Variants in DCC observed in about 807,000 individuals in gnomAD.
DCC encodes netrin receptor DCC.
DCC carries 58 observed loss-of-function variants against 172.5 expected under a neutral mutation model. The ratio of observed to expected loss-of-function variants is 0.34; its 90% CI spans 0.27 to 0.42. The LOEUF is 0.42. Among genes scored for constraint, DCC ranks in the 10% least tolerant of loss-of-function variants. DCC has a pLI of 1.00. For missense variants in DCC, 1,740 were observed against 1,791.0 expected, an observed-to-expected ratio of 0.97 and a Z score of 0.51; for synonymous variants, 709 against 644.5, an observed-to-expected ratio of 1.10 and a Z score of -1.52.
chr18:52,561,701 T>C (rs1463250139), intron 1 of DCC, among the ~76,000 whole-genome samples: 2 of 152,158 alleles, frequency 1.3e-5, no homozygotes, highest in Non-Finnish European at 2.9e-5. Context: ...ACTTCATCCT[T>C]AGAGCTATCA....
intron 12 of DCC, among the ~76,000 whole-genome samples, chr18:53,236,143 T>A (rs2056199778): frequency 1.3e-5 from 2 of 152,148 alleles, no homozygotes; most frequent in Non-Finnish European, 2.9e-5. Context: ...TATGTCTTAC[T>A]TAATTAGAAA....
At chr18:53,447,258 A>C (rs1320706916) in intron 22 of DCC, among the ~76,000 whole-genome samples, 1 of 152,198 alleles carries the variant, frequency 6.6e-6, no homozygotes, top group African/African-American at 2.4e-5. Context: ...ACACCATTGC[A>C]CTTGACTTTT....
At chr18:52,589,552 A>T (rs1406986935) in intron 1 of DCC, among the ~76,000 whole-genome samples, 1 of 152,226 alleles carries the variant, frequency 6.6e-6, no homozygotes, top group Non-Finnish European at 1.5e-5. Flanking sequence ...CAAAGCAGAG[A>T]GGGAAGAGCC....
chr18:52,403,639 A>C (rs1986524169), intron 1 of DCC, among the ~76,000 whole-genome samples: 1 of 152,084 alleles, frequency 6.6e-6, no homozygotes, highest in Non-Finnish European at 1.5e-5. Flanking sequence ...AGAGGAAATG[A>C]AAATGAAAAT....
At chr18:52,650,248 G>A (rs1189518080) in intron 1 of DCC, among the ~76,000 whole-genome samples, 1 of 151,962 alleles carries the variant, frequency 6.6e-6, no homozygotes, top group African/African-American at 2.4e-5. Context: ...TACGGTACTG[G>A]GATTACAGGT....
In DCC at chr18:53,317,613, C is replaced by CT. The variant is rs993973140; in HGVS notation, c.2054-4427dup. 8.5e-5 allele frequency among the ~76,000 whole-genome samples: 13 copies of CT among 152,162 alleles called. 1 individual carries two copies. Among genetic ancestry groups the CT allele is most frequent in the African/African-American group, 2.4e-4 (10 of 41,506 alleles). On this transcript the variant is annotated intron_variant, in intron 13 of 28. Coordinates refer to ENST00000442544, the MANE Select transcript of DCC (RefSeq NM_005215.4). ...GGCTATAAATCCATCTGGTCCCAGG[C>CT]TTTTTTTGGTTGGTAGGCTATTTCT...
intron 5 of DCC, among the ~76,000 whole-genome samples, chr18:52,944,585 G>T (rs535279327): frequency 2.3e-4 from 35 of 152,312 alleles, no homozygotes; most frequent in Middle Eastern, 3.4e-3. Flanking sequence ...AAAAGCAAAA[G>T]AAGTCTATAG....
chr18:52,904,266 T>C (rs1467334280), intron 2 of DCC, among the ~76,000 whole-genome samples: 2 of 152,226 alleles, frequency 1.3e-5, no homozygotes, highest in African/African-American at 4.8e-5. Context: ...TGCAGGTCTA[T>C]TTCTGTGGAT....
rs918437678 is a variant in DCC, at chr18:53,164,856, G to A, written c.1418+7344G>A. On this transcript the variant is annotated intron_variant, in intron 8 of 28. Transcript: ENST00000442544. The stretch of plus-strand genomic sequence containing the variant: ...ATTCACACATTTGATCCTCAGATAA[G>A]GTATTTATGATGATCTCCATTTCAC... Among the ~76,000 whole-genome samples the A allele has an allele frequency of 6.6e-5, 10 of 152,146 alleles. No individual in the cohort carries two copies. In the South Asian group the frequency reaches 1.9e-3, roughly 28 times the overall value.
At chr18:53,347,287 T>G (rs2057737079) in intron 15 of DCC, among the ~76,000 whole-genome samples, 2 of 152,226 alleles carry the variant, frequency 1.3e-5, no homozygotes, top group Admixed American at 6.5e-5. Context: ...AAGATCTTAC[T>G]TAATTCCAAA....
intron 1 of DCC, among the ~76,000 whole-genome samples, chr18:52,547,061 A>C (rs1270309452): frequency 1.3e-5 from 2 of 152,134 alleles, no homozygotes; most frequent in Non-Finnish European, 2.9e-5. Context: ...AGAATCATTT[A>C]ATCTAAAGTT....
chr18:52,713,445 G>A (rs988373619), intron 1 of DCC, among the ~76,000 whole-genome samples: 6 of 152,186 alleles, frequency 3.9e-5, no homozygotes, highest in African/African-American at 7.2e-5. Context: ...AAAGGACAAA[G>A]CTTCAAGAGA....
chr18:52,680,593 C>T (rs2035731391), intron 1 of DCC, among the ~76,000 whole-genome samples: 1 of 152,130 alleles, frequency 6.6e-6, no homozygotes, highest in Non-Finnish European at 1.5e-5. Flanking sequence ...TACCCAGCTC[C>T]ATCAAGGAAG....
chr18:53,485,607 T>A (rs185224415), intron 25 of DCC, among the ~76,000 whole-genome samples: 19 of 152,144 alleles, frequency 1.2e-4, no homozygotes, highest in Admixed American at 1.2e-3. Flanking sequence ...TAAGTAAACA[T>A]GTTCAAATGC....
At chr18:52,979,023 T>C (rs1200054015) in intron 5 of DCC, among the ~76,000 whole-genome samples, 2 of 148,072 alleles carry the variant, frequency 1.4e-5, no homozygotes, top group Non-Finnish European at 2.9e-5. Flanking sequence ...TGTAATAACA[T>C]GCAGGTACCT....
chr18:52,613,502 G>A (rs573162039), intron 1 of DCC, among the ~76,000 whole-genome samples: 9 of 152,198 alleles, frequency 5.9e-5, no homozygotes, highest in Admixed American at 3.3e-4. Context: ...TGATCCGCCC[G>A]CCTCTGCCTC....
chr18:52,598,594 C>G (rs1302011031), intron 1 of DCC, among the ~76,000 whole-genome samples: 5 of 152,120 alleles, frequency 3.3e-5, no homozygotes, highest in African/African-American at 1.2e-4. Flanking sequence ...CAGCTGCAGG[C>G]CTCTTGTGCA....
chr18:53,403,402 G>A (rs1250063543), intron 19 of DCC, among the ~76,000 whole-genome samples: 1 of 152,084 alleles, frequency 6.6e-6, no homozygotes, highest in African/African-American at 2.4e-5. Flanking sequence ...ACTTAATATT[G>A]ACTGACAGAA....
intron 7 of DCC, among the ~76,000 whole-genome samples, chr18:53,114,363 C>T (rs996846003): frequency 2.0e-5 from 3 of 151,326 alleles, no homozygotes; most frequent in African/African-American, 7.3e-5. Flanking sequence ...AAAGTGACAG[C>T]CTGCCAAGTG....
Sources: allele counts gnomAD v4.1 joint callset (sites outside exome capture counted in the v4.1 genomes callset), GRCh38; gene constraint gnomAD v4.1.1; transcripts MANE v1.5; gene names NCBI Gene and HGNC (gene_info 2026-07-23, HGNC 2026-07-21).